The following TAF9B variants were observed in gnomAD, a reference collection of about 807,000 sequenced individuals.
The protein encoded by TAF9B is TATA-box binding protein associated factor 9b.
Under a neutral mutation model 17.6 loss-of-function variants are expected in TAF9B, and 47 were observed. The observed-to-expected ratio is 2.68, with a 90% CI of 2.12 to 3.41. The LOEUF is 3.41. Ranked by LOEUF, TAF9B falls within the 30% of genes most tolerant of loss-of-function variation. TAF9B has a pLI of 0.00. For synonymous variants in TAF9B, 84 were observed against 68.7 expected (o/e 1.22, Z -1.10); for missense variants, 218 against 189.3 (o/e 1.15, Z -0.89).
At position 78,130,054 on chromosome X, in the gene TAF9B, ATGT is replaced by A. The variant is rs1557249243; in HGVS notation, c.*1553_*1555del. 8.9e-6 allele frequency: 1 copy of A among 112,130 alleles called. No homozygotes were observed. The highest frequency in any genetic ancestry group is 1.9e-5 in the Non-Finnish European group (1 of 53,170). The allele number at this position is 112,130 out of a possible 1,213,427, so 9.2% of individuals were successfully genotyped here. ...ATATAATGAATATTTATCTCCTATGATGTTGATCAGGTCTATTTTTATACATTT... is the reference window on the plus strand; with the variant it reads ...ATATAATGAATATTTATCTCCTATGATGATCAGGTCTATTTTTATACATTT... On this transcript the variant is annotated 3_prime_UTR_variant, in exon 7 of 7. Coordinates refer to ENST00000341864, the MANE Select transcript of TAF9B (RefSeq NM_015975.5).
rs1474202235 is a variant in TAF9B at position 78,130,362 on chromosome X, G to A, written c.*1248C>T. ...ATCTTTCCCAATATGACTTTAATAT[G>A]TGTATAAATGGAAAACAGGGAAAGG... On this transcript the variant is annotated 3_prime_UTR_variant, in exon 7 of 7. Transcript: ENST00000341864. The A allele has an allele frequency of 4.4e-5, 5 of 112,494 alleles. No homozygotes were observed. Among genetic ancestry groups the A allele is most frequent in the Admixed American group, 9.4e-5 (1 of 10,615 alleles). The allele number at this position is 112,494 out of a possible 1,213,427, so 9.3% of individuals were successfully genotyped here.
intron 5 of TAF9B, among the ~76,000 whole-genome samples, chrX:78,135,432 CA>C (rs1413527723): frequency 1.0e-5 from 1 of 95,631 alleles, no homozygotes; most frequent in African/African-American, 3.8e-5. Context: ...AAAAAAAACA[CA>C]AAAAAACAAA....
At chrX:78,137,718 A>G (rs781913911) in intron 4 of TAF9B, 31 bp downstream of exon 4, 3 of 1,168,546 alleles carry the variant, frequency 2.6e-6, no homozygotes, top group South Asian at 3.9e-5. Context: ...TCCACCTTTT[A>G]AAAAAAGAAA....
In TAF9B at chrX:78,135,346, G is replaced by A. The variant is rs2078429952; in HGVS notation, c.481+1569C>T. Among the ~76,000 whole-genome samples the A allele has an allele frequency of 7.9e-5, 8 of 101,685 alleles. No individual in the cohort carries two copies. In the Admixed American group the frequency reaches 8.4e-4, roughly 11 times the overall value. 88.3% of individuals were successfully genotyped at this position (101,685 alleles called of 115,157 possible). ...AATCCTAGCACTTTGGGAGGCCGAGGCAGGCAGATCACTTGAGGTCAGGAG... is the reference window on the plus strand; with the variant it reads ...AATCCTAGCACTTTGGGAGGCCGAGACAGGCAGATCACTTGAGGTCAGGAG... On this transcript the variant is annotated intron_variant, in intron 5 of 6. Coordinates refer to ENST00000341864, the MANE Select transcript of TAF9B (RefSeq NM_015975.5).
rs1465089925 is a variant in TAF9B at position 78,130,133 on chromosome X, TACGAG to T, written c.*1472_*1476del. The T allele has an allele frequency of 1.2e-4, 14 of 112,693 alleles. No homozygotes were observed. The highest frequency in any genetic ancestry group is 4.5e-4 in the African/African-American group (14 of 30,948). The allele number at this position is 112,693 out of a possible 1,213,427, so 9.3% of individuals were successfully genotyped here. A position where few individuals can be genotyped will look rare whatever the true frequency, so the allele number is the denominator to read the frequency against. ...TAATACTGAAAAACACTAAAACTGA[TACGAG>T]ACATTTGAGACATTTCTTCTCTGTT... On this transcript the variant is annotated 3_prime_UTR_variant, in exon 7 of 7. Transcript: ENST00000341864.
At chrX:78,132,361 A>G (rs1005587328) in intron 6 of TAF9B, among the ~76,000 whole-genome samples, 3 of 111,795 alleles carry the variant, frequency 2.7e-5, no homozygotes, top group African/African-American at 9.8e-5. Context: ...GATTAAACAT[A>G]TCTAGTACAA....
At chrX:78,139,028 G>A in intron 1 of TAF9B, 104 bp from the exon 2 acceptor site, 2 of 631,311 alleles carry the variant, frequency 3.2e-6, no homozygotes, top group Non-Finnish European at 4.9e-6. Flanking sequence ...CCCCTTCTTT[G>A]GGCTCCAAAG....
chrX:78,133,386 T>G lies in TAF9B; in HGVS notation c.544A>C (p.Arg182=). Reference sequence around the variant, plus strand: ...GAAGGTGGAATCTGCACCGTAAATCTTTGGCTTGTCACTGACATTGGAGTT... The same window carrying G: ...GAAGGTGGAATCTGCACCGTAAATCGTTGGCTTGTCACTGACATTGGAGTT... ...VATPMSVTSQ[R]FTVQIPPSQS... The change falls in exon 6 of 7, where the codon AGA becomes CGA. Residue 182 remains arginine (R), a synonymous_variant. Coordinates refer to ENST00000341864, the MANE Select transcript of TAF9B (RefSeq NM_015975.5). 1 of 1,211,894 alleles carries G rather than the reference T, an allele frequency of 8.3e-7. No individual in the cohort carries two copies. Among genetic ancestry groups the G allele is most frequent in the Non-Finnish European group, 1.1e-6 (1 of 895,370 alleles).
Position 78,136,997 on chromosome X carries a change from G to C in TAF9B, c.406-7C>G, listed in dbSNP as rs782670195. On this transcript the variant is annotated splice_region_variant and splice_polypyrimidine_tract_variant and intron_variant, in intron 4 of 6. Coordinates refer to ENST00000341864, the MANE Select transcript of TAF9B (RefSeq NM_015975.5). ...GTCTCCCTTGGTTAGGTCCCTAGGG[G>C]ATTTAAAAAACAAATTAATGTTAAG... is the stretch of plus-strand genomic sequence containing the variant. The C allele has an allele frequency of 1.7e-6, 2 of 1,169,204 alleles. No homozygotes were observed. The highest frequency in any genetic ancestry group is 2.3e-6 in the Non-Finnish European group (2 of 862,172).
In TAF9B at chrX:78,130,463, GTTTTC is replaced by G. The variant is rs1459658968; in HGVS notation, c.*1142_*1146del. 8.9e-6 allele frequency: 1 copy of G among 112,196 alleles called. No homozygotes were observed. Among genetic ancestry groups the G allele is most frequent in the Non-Finnish European group, 1.9e-5 (1 of 53,227 alleles). 9.2% of individuals were successfully genotyped at this position (112,196 alleles called of 1,213,427 possible). The stretch of plus-strand genomic sequence containing the variant: ...AATGCAAGTTACATCACATTAATTT[GTTTTC>G]TTTGTTGGCCTTATAGAGGATGAAC... On this transcript the variant is annotated 3_prime_UTR_variant, in exon 7 of 7. Transcript: ENST00000341864.
chrX:78,132,961 T>C (rs2078419962), intron 6 of TAF9B, among the ~76,000 whole-genome samples: 1 of 111,766 alleles, frequency 8.9e-6, no homozygotes, highest in South Asian at 3.7e-4. Flanking sequence ...GTAAGATACT[T>C]TGAGAGATCA....
In TAF9B at chrX:78,131,359, A is replaced by C. The variant is rs1400864597; in HGVS notation, c.*251T>G. The C allele has an allele frequency of 2.0e-4, 48 of 239,391 alleles. 1 individual carries two copies. In the East Asian group the frequency reaches 3.2e-3, roughly 16 times the overall value. 19.7% of individuals were successfully genotyped at this position (239,391 alleles called of 1,213,427 possible). ...GAAGGCAGAAAAGTGTCTCAAAAAC[A>C]GAATTGCCATATTAGGACTCAACAT... is the stretch of plus-strand genomic sequence containing the variant. On this transcript the variant is annotated 3_prime_UTR_variant, in exon 7 of 7. Coordinates refer to ENST00000341864, the MANE Select transcript of TAF9B (RefSeq NM_015975.5).
Position 78,131,650 on chromosome X carries a change from T to C in TAF9B, c.716A>G (p.Lys239Arg). The change falls in exon 7 of 7, where the codon AAG becomes AGG. Residue 239 changes from lysine (K) to arginine (R), a missense_variant. Transcript: ENST00000341864. ...QNTANEANPL[K>R]RKHEDDDDND... ...GTCATCATCATCTTCATGTTTTCTC[T>C]TCAGTGGGTTTGCTTCATTGGCTGT... 2.5e-6 allele frequency: 3 copies of C among 1,211,332 alleles called. No individual in the cohort carries two copies. Among genetic ancestry groups the C allele is most frequent in the East Asian group, 3.0e-5 (1 of 33,822 alleles).
At chrX:78,139,098 T>C (rs2078445938) in intron 1 of TAF9B, among the ~76,000 whole-genome samples, 174 bp from the exon 2 acceptor site, 1 of 111,807 alleles carries the variant, frequency 8.9e-6, no homozygotes, top group Non-Finnish European at 1.9e-5. Flanking sequence ...CATAGTACGC[T>C]TTTGCAGAAA....
Position 78,131,521 on chromosome X carries a change from G to T in TAF9B, c.*89C>A. On this transcript the variant is annotated 3_prime_UTR_variant, in exon 7 of 7. Transcript: ENST00000341864. ...TGCAGCTACATTTCAGTCTTTTAAG[G>T]TAAAACAAGATCTAGAATATTCTAG... is the stretch of plus-strand genomic sequence containing the variant. 1 of 839,390 alleles carries T rather than the reference G, an allele frequency of 1.2e-6. No individual in the cohort carries two copies. The highest frequency in any genetic ancestry group is 3.1e-5 in the Admixed American group (1 of 31,908). 69.2% of individuals were successfully genotyped at this position (839,390 alleles called of 1,213,427 possible).
intron 5 of TAF9B, among the ~76,000 whole-genome samples, chrX:78,136,192 T>C (rs1417634208): frequency 8.9e-6 from 1 of 112,066 alleles, no homozygotes; most frequent in Non-Finnish European, 1.9e-5. Context: ...AAGTCCATTA[T>C]TTGTTTTCCT....
chrX:78,135,406 G>A (rs1205793575), intron 5 of TAF9B, among the ~76,000 whole-genome samples: 5 of 99,608 alleles, frequency 5.0e-5, no homozygotes, highest in Non-Finnish European at 8.1e-5. Flanking sequence ...GTGAAATCCC[G>A]TCTTTACTGA....
rs144319596 is a variant in TAF9B at position 78,131,680 on chromosome X, T to C, written c.686A>G (p.Gln229Arg). ...ILITTNMVSS[Q>R]NTANEANPLK... ...TGGGTTTGCTTCATTGGCTGTGTTC[T>C]GTGACGAAACCATGTTGGTGGTAAT... The change falls in exon 7 of 7, where the codon CAG (glutamine) becomes CGG (arginine). Residue 229 changes from glutamine to arginine, a missense_variant. By Grantham distance (43) the Gln-to-Arg change is conservative. Coordinates refer to ENST00000341864, the MANE Select transcript of TAF9B (RefSeq NM_015975.5). 2.1e-4 allele frequency: 253 copies of C among 1,209,081 alleles called. No individual in the cohort carries two copies. Among genetic ancestry groups the C allele is most frequent in the Non-Finnish European group, 2.7e-4 (245 of 894,391 alleles).
chrX:78,135,606 TA>T (rs1216538671), intron 5 of TAF9B, among the ~76,000 whole-genome samples: 4 of 109,353 alleles, frequency 3.7e-5, no homozygotes, highest in African/African-American at 1.3e-4. Flanking sequence ...TCTCAAAAAA[TA>T]AAAAATAAAA....
Sources: gnomAD v4.1 joint callset for allele counts (sites outside exome capture counted in the v4.1 genomes callset) on GRCh38, gnomAD v4.1.1 for gene constraint, MANE v1.5 for transcripts, NCBI Gene and HGNC (gene_info 2026-07-23, HGNC 2026-07-21) for gene names.